Variants in TBC1D10B observed in about 807,000 individuals in gnomAD.
TBC1D10B encodes the protein TBC1 domain family member 10B, also known as Rab27A-GAPbeta.
A neutral mutation model predicts 78.4 loss-of-function variants in TBC1D10B; 25 were observed. The ratio of observed to expected loss-of-function variants is 0.32; its 90% confidence interval spans 0.23 to 0.45. The LOEUF (loss-of-function observed/expected upper bound fraction) is 0.45, where lower values mean the gene tolerates loss of function less well. TBC1D10B is among the 20% of genes least tolerant of loss of function. The pLI is 1.00. For missense variants in TBC1D10B, 996 were observed against 1,104.8 expected (o/e 0.90, Z 1.40); for synonymous variants, 517 against 478.0 (o/e 1.08, Z -1.06).
rs572145196 is a variant in TBC1D10B at position 30,358,041 on chromosome 16, C to T, written c.2330G>A (p.Arg777Gln). The T allele has an allele frequency of 5.5e-5, 86 of 1,551,850 alleles. No homozygotes were observed. Among genetic ancestry groups the T allele is most frequent in the Non-Finnish European group, 7.1e-5 (81 of 1,146,990 alleles). ...TGCCTTTCGACGCAGCGAAAGCTTCCGGCCTTGAGCCTTCTTCTCCTGCTT... is the reference window on the plus strand; with the variant it reads ...TGCCTTTCGACGCAGCGAAAGCTTCTGGCCTTGAGCCTTCTTCTCCTGCTT... The part of the protein sequence containing the change: ...RQKQEKKAQG[R>Q]KLSLRRKADG... Residue 777 changes from arginine (R) to glutamine (Q), a missense_variant, in exon 9 of 9, where the codon CGG becomes CAG. By Grantham distance (43) the Arg-to-Gln change is conservative. Transcript: ENST00000409939.
chr16:30,358,230 G>A lies in TBC1D10B; in HGVS notation c.2141C>T (p.Pro714Leu), dbSNP rs1400565076. The A allele has an allele frequency of 1.3e-6, 2 of 1,556,236 alleles. No individual in the cohort carries two copies. The highest frequency in any genetic ancestry group is 1.9e-5 in the Admixed American group (1 of 51,470). The change falls in exon 9 of 9, where the codon CCC becomes CTC. Residue 714 changes from proline to leucine, a missense_variant. Physicochemically the swap from Pro to Leu is moderately conservative, Grantham distance 98. Around this residue, in one of 5 missense-constraint regions of TBC1D10B, gnomAD observed 285 missense variants for 252.5 expected, o/e 1.13. Transcript: ENST00000409939. ...SLPSPTGNST[P>L]LGSSKETRKQ... ...CCGGGTCTCCTTGCTGGAACCCAAG[G>A]GGGTGCTATTGCCAGTGGGTGAGGG... is the stretch of plus-strand genomic sequence containing the variant.
At chr16:30,364,834 C>G (rs186549469) in intron 4 of TBC1D10B, 66 bp downstream of exon 4, 37 of 1,459,378 alleles carry the variant, frequency 2.5e-5, no homozygotes, top group Non-Finnish European at 3.5e-5. Context: ...CTTGTATCCA[C>G]CTAGCTAAAA....
chr16:30,360,995 A>AG (rs1567412472), intron 4 of TBC1D10B, among the ~76,000 whole-genome samples: 1 of 152,100 alleles, frequency 6.6e-6, no homozygotes, highest in African/African-American at 2.4e-5. Context: ...AAAAAAAAAA[A>AG]GTCTCTTCAC....
Position 30,368,422 on chromosome 16 carries a change from T to C in TBC1D10B, c.956+806A>G, listed in dbSNP as rs116380965. ...CTCCTTGAAAGGACTATTTTATCCT[T>C]AGCACCTGGGGCCTGACACCTGGGG... On this transcript the variant is annotated intron_variant, in intron 1 of 8. Transcript: ENST00000409939. Among the ~76,000 whole-genome samples, 828 of 152,256 alleles carry C rather than the reference T, an allele frequency of 5.4e-3. 9 individuals carry two copies. Among genetic ancestry groups the C allele is most frequent in the African/African-American group, 0.019 (781 of 41,522 alleles).
Position 30,365,236 on chromosome 16 carries a change from GA to G in TBC1D10B, c.1057-25del. On this transcript the variant is annotated intron_variant, in intron 2 of 8. Coordinates refer to ENST00000409939, the MANE Select transcript of TBC1D10B (RefSeq NM_015527.4). This position sits in a 1 kb window ranked among gnomAD's most constrained non-coding sequence, Gnocchi z 5.0. The stretch of plus-strand genomic sequence containing the variant: ...ACCTAAGGCAAAGTGGCAGGAGGGG[GA>G]CAGCTTCAAGGGCTGGCACAGCCTC... 3 of 1,605,650 alleles carry G rather than the reference GA, an allele frequency of 1.9e-6. No homozygotes were observed. The highest frequency in any genetic ancestry group is 2.6e-6 in the Non-Finnish European group (3 of 1,172,706).
At chr16:30,367,168 T>C (rs983032301) in intron 1 of TBC1D10B, 2 of 152,378 alleles carry the variant, frequency 1.3e-5, no homozygotes, top group African/African-American at 4.9e-5. Flanking sequence ...CACTCCAGCC[T>C]GGGCAACAAG....
In TBC1D10B at chr16:30,369,303, G is replaced by T; in HGVS notation, c.881C>A (p.Ser294Ter). The T allele has an allele frequency of 6.3e-7, 1 of 1,592,032 alleles. No homozygotes were observed. The highest frequency in any genetic ancestry group is 1.3e-5 in the African/African-American group (1 of 74,446). The change falls in exon 1 of 9, where the codon TCA becomes TAA. Residue 294 changes from serine (S) to a stop codon, truncating the protein, a stop_gained. Coordinates refer to ENST00000409939, the MANE Select transcript of TBC1D10B (RefSeq NM_015527.4). LOFTEE classifies it high-confidence loss of function. This position sits in a 1 kb window ranked among gnomAD's most constrained non-coding sequence, Gnocchi z 4.3. ...ADDVSSMGSD[S>*]EINGLALRKT... ...GCGCAGGGCCAGCCCGTTTATCTCT[G>T]AATCTGAGCCCATGGAGCTCACATC...
Position 30,369,087 on chromosome 16 carries a change from GGCA to G in TBC1D10B, c.956+138_956+140del. On this transcript the variant is annotated intron_variant, in intron 1 of 8. Coordinates refer to ENST00000409939, the MANE Select transcript of TBC1D10B (RefSeq NM_015527.4). This position sits in a 1 kb window ranked among gnomAD's most constrained non-coding sequence, Gnocchi z 4.3. ...AGGCACCTCAGGATGCTCAAGACAC[GGCA>G]GCTCGCGCTGATCACCCCGTGGATC... is the stretch of plus-strand genomic sequence containing the variant. The G allele has an allele frequency of 5.7e-6, 5 of 870,700 alleles. No homozygotes were observed. The highest frequency in any genetic ancestry group is 8.6e-6 in the Non-Finnish European group (5 of 578,924). 53.9% of individuals were successfully genotyped at this position (870,700 alleles called of 1,614,324 possible). A position where few individuals can be genotyped will look rare whatever the true frequency, so the allele number is the denominator to read the frequency against.
In TBC1D10B at chr16:30,370,440, C is replaced by G. The variant is rs978958635; in HGVS notation, c.-257G>C. Among the ~76,000 whole-genome samples the G allele has an allele frequency of 6.6e-6, 1 of 152,010 alleles. No individual in the cohort carries two copies. Among genetic ancestry groups the G allele is most frequent in the African/African-American group, 2.4e-5 (1 of 41,438 alleles). On this transcript the variant is annotated 5_prime_UTR_variant, in exon 1 of 9. Coordinates refer to ENST00000409939, the MANE Select transcript of TBC1D10B (RefSeq NM_015527.4). ...CCCCTCCCTCCTGCTTGGGGGCGAG[C>G]CGCCGACCTCGCGCCTGCGCACACG... is the stretch of plus-strand genomic sequence containing the variant.
At position 30,369,721 on chromosome 16, in the gene TBC1D10B, T is replaced by TAGGGGTCCC. The variant is rs2049669790; in HGVS notation, c.462_463insGGGACCCCT (p.Thr154_Arg155insGlyThrPro). On this transcript the variant is annotated inframe_insertion, in exon 1 of 9. Transcript: ENST00000409939. This position sits in a 1 kb window ranked among gnomAD's most constrained non-coding sequence, Gnocchi z 4.3. ...CCAGGAGCCGTTCTGGAAGGGGTCC[T>TAGGGGTCCC]GGTAGGGGTCCCGGTGGGGGTCCCT... 1 of 1,480,714 alleles carries TAGGGGTCCC rather than the reference T, an allele frequency of 6.8e-7. No individual in the cohort carries two copies. The highest frequency in any genetic ancestry group is 9.0e-7 in the Non-Finnish European group (1 of 1,115,008). The allele number at this position is 1,480,714 out of a possible 1,614,324, so 91.7% of individuals were successfully genotyped here.
chr16:30,364,864 G>C, intron 4 of TBC1D10B, 36 bp downstream of exon 4: 1 of 1,559,174 alleles, frequency 6.4e-7, no homozygotes. Context: ...TCCAGCCAAT[G>C]TTTGCTGACT....
At chr16:30,368,574 C>A (rs1213203347) in intron 1 of TBC1D10B, among the ~76,000 whole-genome samples, 1 of 152,084 alleles carries the variant, frequency 6.6e-6, no homozygotes, top group South Asian at 2.1e-4. Context: ...GTGACTCAGG[C>A]CCCGGAGAGA....
rs1418924633 is a variant in TBC1D10B, at chr16:30,357,325, G to A, written c.*619C>T. ...TGAGAACACAGAGCAAGGTGGGTTT[G>A]GAGGGAGCACAGCAGGGTGCAGGAA... is the stretch of plus-strand genomic sequence containing the variant. On this transcript the variant is annotated 3_prime_UTR_variant, in exon 9 of 9. Coordinates refer to ENST00000409939, the MANE Select transcript of TBC1D10B (RefSeq NM_015527.4). 1 of 158,238 alleles carries A rather than the reference G, an allele frequency of 6.3e-6. No individual in the cohort carries two copies. The highest frequency in any genetic ancestry group is 1.4e-5 in the Non-Finnish European group (1 of 71,224). The allele number at this position is 158,238 out of a possible 1,614,324, so 9.8% of individuals were successfully genotyped here. A position where few individuals can be genotyped will look rare whatever the true frequency, so the allele number is the denominator to read the frequency against.
intron 4 of TBC1D10B, among the ~76,000 whole-genome samples, chr16:30,362,627 T>C (rs776175353): frequency 6.6e-6 from 1 of 152,232 alleles, no homozygotes; most frequent in African/African-American, 2.4e-5. Context: ...CTCTATAAGT[T>C]GACGACTCTT....
chr16:30,358,635 A>C (rs967432148), intron 8 of TBC1D10B, 28 bp downstream of exon 8: 7 of 1,590,730 alleles, frequency 4.4e-6, no homozygotes, highest in East Asian at 2.3e-5. Flanking sequence ...TGAGGCAGGC[A>C]GGGGCTGCGT....
In TBC1D10B at chr16:30,370,350, G is replaced by C. The variant is rs879756400; in HGVS notation, c.-167C>G. On this transcript the variant is annotated 5_prime_UTR_variant, in exon 1 of 9. Coordinates refer to ENST00000409939, the MANE Select transcript of TBC1D10B (RefSeq NM_015527.4). The stretch of plus-strand genomic sequence containing the variant: ...GGCGCGCAGAGGCGGGGCAGGGGTC[G>C]GGGGGCGCCGCGCGCCGGGGTCTCT... 0.015 allele frequency: 2,954 copies of C among 192,360 alleles called. 38 individuals carry two copies. The highest frequency in any genetic ancestry group is 0.024 in the Non-Finnish European group (2,334 of 99,302). 11.9% of individuals were successfully genotyped at this position (192,360 alleles called of 1,614,324 possible). A position where few individuals can be genotyped will look rare whatever the true frequency, so the allele number is the denominator to read the frequency against.
chr16:30,364,046 G>A (rs1308179585), intron 4 of TBC1D10B, among the ~76,000 whole-genome samples: 1 of 151,874 alleles, frequency 6.6e-6, no homozygotes, highest in Non-Finnish European at 1.5e-5. Context: ...GAATCCAGGA[G>A]GCAGAGGTTG....
Position 30,357,575 on chromosome 16 carries a change from C to T in TBC1D10B, c.*369G>A. 1 of 267,850 alleles carries T rather than the reference C, an allele frequency of 3.7e-6. No homozygotes were observed. Among genetic ancestry groups the T allele is most frequent in the Middle Eastern group, 1.3e-3 (1 of 790 alleles). 16.6% of individuals were successfully genotyped at this position (267,850 alleles called of 1,614,324 possible). ...AAGACAGGGAAAAGGAAGCCAGCTC[C>T]ACCTCATGGTAAGGGGAGCTATGGA... On this transcript the variant is annotated 3_prime_UTR_variant, in exon 9 of 9. Transcript: ENST00000409939.
rs2049669578 is a variant in TBC1D10B, at chr16:30,369,707, T to C, written c.477A>G (p.Arg159=). 1 of 1,503,932 alleles carries C rather than the reference T, an allele frequency of 6.6e-7. No individual in the cohort carries two copies. The highest frequency in any genetic ancestry group is 8.9e-7 in the Non-Finnish European group (1 of 1,124,920). 93.2% of individuals were successfully genotyped at this position (1,503,932 alleles called of 1,614,324 possible). Residue 159 remains arginine (R), a synonymous_variant, in exon 1 of 9, where the codon AGA becomes AGG. Coordinates refer to ENST00000409939, the MANE Select transcript of TBC1D10B (RefSeq NM_015527.4). This position sits in a 1 kb window ranked among gnomAD's most constrained non-coding sequence, Gnocchi z 4.3. ...PTGTPTRTPS[R]TAPGALTAKP... The stretch of plus-strand genomic sequence containing the variant: ...TGGCGGTCAGGGCACCAGGAGCCGT[T>C]CTGGAAGGGGTCCTGGTAGGGGTCC...
Sources: allele counts gnomAD v4.1 joint callset (sites outside exome capture counted in the v4.1 genomes callset), GRCh38; gene constraint gnomAD v4.1.1; regional missense constraint gnomAD v4.1.1; non-coding constraint Gnocchi (gnomAD v3.1); transcripts MANE v1.5; gene names NCBI Gene and HGNC (gene_info 2026-07-23, HGNC 2026-07-21).